ALDH1A2: variants seen among roughly 807,000 people sequenced by gnomAD.
The protein encoded by ALDH1A2 is aldehyde dehydrogenase 1 family member A2, also known as retinal dehydrogenase 2.
A neutral mutation model predicts 60.3 loss-of-function variants in ALDH1A2; 27 were observed. The ratio of observed to expected loss-of-function variants is 0.45; its 90% CI spans 0.33 to 0.62. ALDH1A2 has a LOEUF of 0.62. Ranked by LOEUF, ALDH1A2 falls within the 20% of genes least tolerant of loss-of-function variation. ALDH1A2 has a pLI of 0.02. For missense variants in ALDH1A2, 581 were observed against 643.8 expected (o/e 0.90, Z 1.06); for synonymous variants, 289 against 232.4 (o/e 1.24, Z -2.21).
chr15:58,028,534 C>A (rs1375127794), intron 1 of ALDH1A2, among the ~76,000 whole-genome samples: 3 of 152,178 alleles, frequency 2.0e-5, no homozygotes, highest in Admixed American at 2.0e-4. Flanking sequence ...ATGACAGGAT[C>A]AAATTCACAC....
chr15:58,005,734 T>C (rs1174922063), intron 4 of ALDH1A2, among the ~76,000 whole-genome samples: 1 of 151,920 alleles, frequency 6.6e-6, no homozygotes, highest in Non-Finnish European at 1.5e-5. Context: ...GTTCTTTTTT[T>C]ATGGGTGACC....
At chr15:57,982,360 C>G (rs551755630) in intron 7 of ALDH1A2, among the ~76,000 whole-genome samples, 1 of 152,104 alleles carries the variant, frequency 6.6e-6, no homozygotes, top group Non-Finnish European at 1.5e-5. Context: ...ATCTTGATTC[C>G]TTTAGTATGA....
intron 1 of ALDH1A2, among the ~76,000 whole-genome samples, chr15:58,048,297 G>A (rs1487783362): frequency 6.6e-6 from 1 of 152,036 alleles, no homozygotes; most frequent in African/African-American, 2.4e-5. Context: ...TTGTACTGAT[G>A]TTCAATGATT....
intron 4 of ALDH1A2, among the ~76,000 whole-genome samples, chr15:57,997,738 T>TG (rs2140497508): frequency 6.6e-6 from 1 of 152,102 alleles, no homozygotes; most frequent in South Asian, 2.1e-4. Context: ...CATGAGGAAT[T>TG]GAGTTTGACT....
intron 7 of ALDH1A2, among the ~76,000 whole-genome samples, chr15:57,966,972 T>C (rs1893915566): frequency 6.6e-6 from 1 of 152,184 alleles, no homozygotes; most frequent in East Asian, 1.9e-4. Context: ...GGCAATTTGG[T>C]CTTGTTGAGA....
intron 12 of ALDH1A2, among the ~76,000 whole-genome samples, chr15:57,958,800 T>C (rs1366840996): frequency 6.6e-6 from 1 of 152,128 alleles, no homozygotes; most frequent in East Asian, 1.9e-4. Flanking sequence ...AGAGAAAACA[T>C]GTTTTGGGGG....
At chr15:57,976,736 T>C (rs1894272236) in intron 7 of ALDH1A2, among the ~76,000 whole-genome samples, 4 of 152,228 alleles carry the variant, frequency 2.6e-5, no homozygotes, top group Non-Finnish European at 5.9e-5. Context: ...CAAGTGCATG[T>C]GTCTTTATGG....
intron 4 of ALDH1A2, among the ~76,000 whole-genome samples, chr15:57,996,467 G>A (rs1895067248): frequency 6.7e-6 from 1 of 149,596 alleles, no homozygotes; most frequent in African/African-American, 2.5e-5. Flanking sequence ...TATACAAACG[G>A]GATATTATTC....
intron 1 of ALDH1A2, among the ~76,000 whole-genome samples, chr15:58,063,310 G>A (rs1400283870): frequency 6.6e-6 from 1 of 152,048 alleles, no homozygotes; most frequent in Non-Finnish European, 1.5e-5. Context: ...TATTTAACAC[G>A]CCCTAACGCG....
intron 1 of ALDH1A2, among the ~76,000 whole-genome samples, chr15:58,019,901 G>A (rs1290640127): frequency 6.6e-6 from 1 of 152,242 alleles, no homozygotes; most frequent in South Asian, 2.1e-4. Flanking sequence ...GTGCCACGGT[G>A]GTTTGCTGCA....
At chr15:58,028,743 G>A (rs189987551) in intron 1 of ALDH1A2, among the ~76,000 whole-genome samples, 4 of 152,160 alleles carry the variant, frequency 2.6e-5, no homozygotes, top group African/African-American at 7.2e-5. Context: ...AAAAGCAGGG[G>A]TTGCAATCCC....
At chr15:57,955,737 G>A (rs1255474716) in intron 12 of ALDH1A2, among the ~76,000 whole-genome samples, 1 of 131,136 alleles carries the variant, frequency 7.6e-6, no homozygotes, top group Non-Finnish European at 1.7e-5. Flanking sequence ...CTTTGGGACA[G>A]TAGTGTGCTT....
At chr15:58,062,407 G>C (rs1354624860) in intron 1 of ALDH1A2, among the ~76,000 whole-genome samples, 1 of 152,102 alleles carries the variant, frequency 6.6e-6, no homozygotes, top group Non-Finnish European at 1.5e-5. Flanking sequence ...CCAAAGACCT[G>C]GGAATCTGTT....
chr15:58,054,397 A>C (rs1382671410), intron 1 of ALDH1A2, among the ~76,000 whole-genome samples: 5 of 152,172 alleles, frequency 3.3e-5, no homozygotes, highest in Non-Finnish European at 7.4e-5. Flanking sequence ...ATTTATAATG[A>C]AACATTAATT....
In ALDH1A2 at chr15:57,954,705, C is replaced by T. The variant is rs745449337; in HGVS notation, c.*492G>A. On this transcript the variant is annotated 3_prime_UTR_variant, in exon 13 of 13. Coordinates refer to ENST00000249750, the MANE Select transcript of ALDH1A2 (RefSeq NM_003888.4). Reference sequence around the variant, plus strand: ...TGGATAACATGAAATGATAATTTGGCTTTACAACCTTGAAAAATTGTTCCC... The same window carrying T: ...TGGATAACATGAAATGATAATTTGGTTTTACAACCTTGAAAAATTGTTCCC... 2.6e-5 allele frequency: 5 copies of T among 193,322 alleles called. No homozygotes were observed. Among genetic ancestry groups the T allele is most frequent in the Non-Finnish European group, 3.3e-5 (3 of 90,878 alleles). 12.0% of individuals were successfully genotyped at this position (193,322 alleles called of 1,614,324 possible).
intron 1 of ALDH1A2, among the ~76,000 whole-genome samples, chr15:58,053,646 A>T (rs1199082990): frequency 1.3e-5 from 2 of 152,144 alleles, no homozygotes; most frequent in Non-Finnish European, 2.9e-5. Flanking sequence ...TGTTTTGTGT[A>T]CTTCTTTTCT....
intron 1 of ALDH1A2, among the ~76,000 whole-genome samples, chr15:58,054,028 A>G (rs1468150343): frequency 6.6e-6 from 1 of 152,166 alleles, no homozygotes; most frequent in Non-Finnish European, 1.5e-5. Flanking sequence ...GGGCTCCCAG[A>G]AGTCAAATGT....
Position 58,013,975 on chromosome 15 carries a change from C to T in ALDH1A2, c.246G>A (p.Gln82=), listed in dbSNP as rs1398865133. The T allele has an allele frequency of 9.9e-6, 16 of 1,613,986 alleles. No homozygotes were observed. The highest frequency in any genetic ancestry group is 1.4e-5 in the Non-Finnish European group (16 of 1,180,004). ...ADKADIDKAV[Q]AARLAFSLGS... is the part of the protein sequence containing the mutation. ...CAAGAGAGAAAGCCAGGCGGGCTGC[C>T]TGCACTGCTTTGTCTATATCTGCCT... Residue 82 remains glutamine, a synonymous_variant, in exon 3 of 13, where the codon CAG becomes CAA. Coordinates refer to ENST00000249750, the MANE Select transcript of ALDH1A2 (RefSeq NM_003888.4).
chr15:57,957,744 C>T (rs1268381357), intron 12 of ALDH1A2, among the ~76,000 whole-genome samples: 1 of 152,146 alleles, frequency 6.6e-6, no homozygotes, highest in African/African-American at 2.4e-5. Flanking sequence ...GGTAGCTCTT[C>T]GCCAGCCATT....
Sources: gnomAD v4.1 joint callset for allele counts (sites outside exome capture counted in the v4.1 genomes callset) on GRCh38, gnomAD v4.1.1 for gene constraint, MANE v1.5 for transcripts, NCBI Gene and HGNC (gene_info 2026-07-23, HGNC 2026-07-21) for gene names.